The following KIRREL3 variants were observed in gnomAD, a reference collection of about 807,000 sequenced individuals.
KIRREL3 encodes kirre like nephrin family adhesion molecule 3.
In KIRREL3, 36 loss-of-function variants were observed where a neutral mutation model predicts 89.7. The observed-to-expected ratio is 0.40, with a 90% confidence interval of 0.31 to 0.53. KIRREL3 has a LOEUF of 0.53. KIRREL3 is among the 20% of genes least tolerant of loss of function. The probability of loss-of-function intolerance (pLI) is 0.49; values close to 1 mark genes in which losing one functional copy is unlikely to be tolerated. For missense variants in KIRREL3, 864 were observed against 1,056.6 expected, an observed-to-expected ratio of 0.82 and a Z score of 2.53; for synonymous variants, 445 against 441.4, an observed-to-expected ratio of 1.01 and a Z score of -0.10.
In KIRREL3 at chr11:126,742,123, A is replaced by G. The variant is rs1949006999; in HGVS notation, c.56-179211T>C. Reference sequence around the variant, plus strand: ...CCATTTCCCAGTTTCAGCTTCCAGAATGCAACCTTAATCTTGTTCATTTGC... The same window carrying G: ...CCATTTCCCAGTTTCAGCTTCCAGAGTGCAACCTTAATCTTGTTCATTTGC... On this transcript the variant is annotated intron_variant, in intron 1 of 16. Coordinates refer to ENST00000525144, the MANE Select transcript of KIRREL3 (RefSeq NM_032531.4). The surrounding 1 kb of genome is among the most constrained non-coding windows in gnomAD (Gnocchi z 5.3). 6.6e-6 allele frequency among the ~76,000 whole-genome samples: 1 copy of G among 152,242 alleles called. No individual in the cohort carries two copies. Among genetic ancestry groups the G allele is most frequent in the Non-Finnish European group, 1.5e-5 (1 of 68,046 alleles).
Position 126,450,335 on chromosome 11 carries a change from G to A in KIRREL3, c.849-1178C>T, listed in dbSNP as rs183555823. 8.8e-3 allele frequency among the ~76,000 whole-genome samples: 1,327 copies of A among 151,122 alleles called. 24 individuals are homozygous for A. The highest frequency in any genetic ancestry group is 0.031 in the African/African-American group (1,271 of 40,944). The stretch of plus-strand genomic sequence containing the variant: ...CATGTGCACGTGTGCATGTGTGAGC[G>A]TGGGCATGTGTGTCCATGTGCATGT... On this transcript the variant is annotated intron_variant, in intron 7 of 16. Coordinates refer to ENST00000525144, the MANE Select transcript of KIRREL3 (RefSeq NM_032531.4).
rs1946570567 is a variant in KIRREL3 at position 126,683,969 on chromosome 11, G to A, written c.56-121057C>T. ...TGGCCTCAGAGGTCCCTTACAGGGT[G>A]GTGGGACCCAGGGCCCAGGGTTTGG... On this transcript the variant is annotated intron_variant, in intron 1 of 16. Coordinates refer to ENST00000525144, the MANE Select transcript of KIRREL3 (RefSeq NM_032531.4). This position sits in a 1 kb window ranked among gnomAD's most constrained non-coding sequence, Gnocchi z 5.2. Among the ~76,000 whole-genome samples the A allele has an allele frequency of 6.6e-6, 1 of 152,244 alleles. No homozygotes were observed.
Position 126,652,743 on chromosome 11 carries a change from C to G in KIRREL3, c.56-89831G>C, listed in dbSNP as rs1944954430. The G allele has an allele frequency of 6.6e-6, 1 of 152,102 alleles. No individual in the cohort carries two copies. Among genetic ancestry groups the G allele is most frequent in the Non-Finnish European group, 1.5e-5 (1 of 68,024 alleles). The allele number at this position is 152,102 out of a possible 1,614,324, so 9.4% of individuals were successfully genotyped here. ...ACCCTTACCACACCAAAGAGTTACT[C>G]TTTTTTGAAATCTGAATCTCAGATT... On this transcript the variant is annotated intron_variant, in intron 1 of 16. Coordinates refer to ENST00000525144, the MANE Select transcript of KIRREL3 (RefSeq NM_032531.4). This position sits in a 1 kb window ranked among gnomAD's most constrained non-coding sequence, Gnocchi z 4.9.
chr11:126,572,671 A>G (rs186064425), intron 1 of KIRREL3, among the ~76,000 whole-genome samples: 18 of 152,222 alleles, frequency 1.2e-4, no homozygotes, highest in African/African-American at 4.1e-4. Context: ...AGGCTCCTGG[A>G]GAGCCCCTTT....
At chr11:126,461,069 T>A (rs1162117278) in intron 6 of KIRREL3, among the ~76,000 whole-genome samples, 1 of 152,226 alleles carries the variant, frequency 6.6e-6, no homozygotes. Context: ...AGAGCTCTGA[T>A]CCGTGGCCAG....
At chr11:126,632,121 C>A (rs1944051174) in intron 1 of KIRREL3, among the ~76,000 whole-genome samples, 1 of 152,194 alleles carries the variant, frequency 6.6e-6, no homozygotes, top group Non-Finnish European at 1.5e-5. Flanking sequence ...CTGGGAGGGG[C>A]CCAAGAATCT....
At chr11:126,915,415 C>T (rs145845143) in intron 1 of KIRREL3, among the ~76,000 whole-genome samples, 288 of 152,006 alleles carry the variant, frequency 1.9e-3, no homozygotes, top group African/African-American at 6.3e-3. Context: ...GATTAAATCC[C>T]CAATTCTAAA....
chr11:126,539,531 C>T (rs538408107), intron 2 of KIRREL3, among the ~76,000 whole-genome samples: 8 of 152,244 alleles, frequency 5.3e-5, no homozygotes, highest in East Asian at 1.9e-4. Flanking sequence ...CTCAGGCTAA[C>T]GCTGCATCAA....
rs946269279 is a variant in KIRREL3, at chr11:126,791,253, G to A, written c.55+209202C>T. 4.6e-5 allele frequency among the ~76,000 whole-genome samples: 7 copies of A among 152,164 alleles called. No homozygotes were observed. Among genetic ancestry groups the A allele is most frequent in the African/African-American group, 1.7e-4 (7 of 41,444 alleles). On this transcript the variant is annotated intron_variant, in intron 1 of 16. Transcript: ENST00000525144. This position sits in a 1 kb window ranked among gnomAD's most constrained non-coding sequence, Gnocchi z 4.8. ...GGGGGCCTGTACAGGGAATTTAGTG[G>A]TATTTGTTGACCTGATGAGATGAGA...
chr11:126,731,498 T>C (rs1212886174), intron 1 of KIRREL3, among the ~76,000 whole-genome samples: 1 of 152,260 alleles, frequency 6.6e-6, no homozygotes, highest in African/African-American at 2.4e-5. Flanking sequence ...TTCACATTTC[T>C]CTTTCTGCAG....
chr11:126,572,093 C>G (rs1035889406), intron 1 of KIRREL3, among the ~76,000 whole-genome samples: 2 of 152,206 alleles, frequency 1.3e-5, no homozygotes, highest in South Asian at 4.1e-4. Context: ...GAGGCTCAGC[C>G]TGGTCCATTC....
intron 1 of KIRREL3, among the ~76,000 whole-genome samples, chr11:126,975,776 C>G (rs1949548056): frequency 6.6e-6 from 1 of 152,160 alleles, no homozygotes; most frequent in Non-Finnish European, 1.5e-5. Flanking sequence ...GATTCTCATG[C>G]ACAATAAGCC....
rs1459451701 is a variant in KIRREL3 at position 126,867,046 on chromosome 11, G to A, written c.55+133409C>T. On this transcript the variant is annotated intron_variant, in intron 1 of 16. Transcript: ENST00000525144. This position sits in a 1 kb window ranked among gnomAD's most constrained non-coding sequence, Gnocchi z 4.7. ...GAGCTGGTTAACACAAGCTGCCAAC[G>A]GACAGCTAAACTGAAAGAGCACACT... Among the ~76,000 whole-genome samples the A allele has an allele frequency of 1.3e-5, 2 of 152,162 alleles. No individual in the cohort carries two copies. The highest frequency in any genetic ancestry group is 2.4e-5 in the African/African-American group (1 of 41,430).
chr11:126,979,288 T>G (rs1406915685), intron 1 of KIRREL3, among the ~76,000 whole-genome samples: 1 of 152,210 alleles, frequency 6.6e-6, no homozygotes, highest in Non-Finnish European at 1.5e-5. Context: ...ATAAATCAGC[T>G]AATCGGTTTA....
Position 126,476,774 on chromosome 11 carries a change from A to C in KIRREL3, c.434-3308T>G, listed in dbSNP as rs1414414559. Among the ~76,000 whole-genome samples, 1 of 152,068 alleles carries C rather than the reference A, an allele frequency of 6.6e-6. No homozygotes were observed. The highest frequency in any genetic ancestry group is 1.5e-5 in the Non-Finnish European group (1 of 68,012). On this transcript the variant is annotated intron_variant, in intron 4 of 16. Transcript: ENST00000525144. The surrounding 1 kb of genome is among the most constrained non-coding windows in gnomAD (Gnocchi z 6.4). The stretch of plus-strand genomic sequence containing the variant: ...TGTCTGGCGTGGAAGGGGGCTCCTC[A>C]TTACCTCCCCATTCAGACTCGGCCA...
Position 126,989,526 on chromosome 11 carries a change from C to G in KIRREL3, c.55+10929G>C, listed in dbSNP as rs1441938433. ...CTCTACCAACCACTCAGGCTGCAGA[C>G]CAGACAAGGGAGTGGATTGTTCCCA... On this transcript the variant is annotated intron_variant, in intron 1 of 16. Transcript: ENST00000525144. This position sits in a 1 kb window ranked among gnomAD's most constrained non-coding sequence, Gnocchi z 6.2. Among the ~76,000 whole-genome samples, 1 of 152,178 alleles carries G rather than the reference C, an allele frequency of 6.6e-6. No homozygotes were observed. Among genetic ancestry groups the G allele is most frequent in the Non-Finnish European group, 1.5e-5 (1 of 68,032 alleles).
chr11:126,434,278 G>T (rs889450556), intron 13 of KIRREL3, among the ~76,000 whole-genome samples: 1 of 152,266 alleles, frequency 6.6e-6, no homozygotes, highest in African/African-American at 2.4e-5. Context: ...GCCACCGAGG[G>T]GGGAAGGTGT....
rs1263593488 is a variant in KIRREL3, at chr11:126,523,575, C to T, written c.284-2111G>A. ...AAAGCTCACAAGGCCATCAGCTGCA[C>T]CCCTGAGAGCACTGCCTCTCCTCCT... On this transcript the variant is annotated intron_variant, in intron 3 of 16. Transcript: ENST00000525144. This position sits in a 1 kb window ranked among gnomAD's most constrained non-coding sequence, Gnocchi z 4.9. Among the ~76,000 whole-genome samples, 1 of 147,108 alleles carries T rather than the reference C, an allele frequency of 6.8e-6. No homozygotes were observed. The highest frequency in any genetic ancestry group is 1.5e-5 in the Non-Finnish European group (1 of 67,224).
At chr11:126,937,633 G>A (rs1948250041) in intron 1 of KIRREL3, among the ~76,000 whole-genome samples, 1 of 152,204 alleles carries the variant, frequency 6.6e-6, no homozygotes, top group African/African-American at 2.4e-5. Context: ...GGGCGTGGTG[G>A]CTCATGCCTG....
Sources: gnomAD v4.1 joint callset for allele counts (sites outside exome capture counted in the v4.1 genomes callset) on GRCh38, gnomAD v4.1.1 for gene constraint, Gnocchi (gnomAD v3.1) non-coding constraint, MANE v1.5 for transcripts, NCBI Gene and HGNC (gene_info 2026-07-23, HGNC 2026-07-21) for gene names.